UBR1: variants seen among roughly 807,000 people sequenced by gnomAD.
UBR1 encodes the protein E3 ubiquitin-protein ligase UBR1.
Under a neutral mutation model 242.1 loss-of-function variants are expected in UBR1, and 102 were observed. That is an observed-to-expected ratio of 0.42 (90% CI 0.36 to 0.50). The LOEUF (loss-of-function observed/expected upper bound fraction) is 0.50. Among genes scored for constraint, UBR1 ranks in the 20% least tolerant of loss-of-function variants. The pLI is 0.01. For missense variants in UBR1, 1,772 were observed against 2,101.8 expected (o/e 0.84, Z 3.07); for synonymous variants, 675 against 684.8 (o/e 0.99, Z 0.22).
rs768302047 is a variant in UBR1, at chr15:43,105,971, A to T, written c.52T>A (p.Leu18Ile). 1.2e-6 allele frequency: 2 copies of T among 1,613,776 alleles called. No individual in the cohort carries two copies. The highest frequency in any genetic ancestry group is 2.7e-5 in the African/African-American group (2 of 74,842). ...GTERMEISAELPQTPQRLASW... is the reference protein window; with the variant it reads ...GTERMEISAEIPQTPQRLASW... ...GCCAGACGCTGAGGGGTCTGGGGTA[A>T]CTCCGCGCTGATTTCCATCCTCTCA... Residue 18 changes from leucine to isoleucine, a missense_variant, in exon 1 of 47, where the codon TTA (leucine) becomes ATA (isoleucine). This residue lies in a region of UBR1 where 734 missense variants were observed against 893.3 expected (regional missense o/e 0.82). Transcript: ENST00000290650.
chr15:43,071,214 T>C (rs2033820373), intron 4 of UBR1, among the ~76,000 whole-genome samples: 1 of 152,200 alleles, frequency 6.6e-6, no homozygotes, highest in African/African-American at 2.4e-5. Flanking sequence ...GAGTAGCTAA[T>C]TACGATGATA....
intron 39 of UBR1, among the ~76,000 whole-genome samples, chr15:42,971,603 T>C (rs1411538297): frequency 4.6e-5 from 7 of 152,250 alleles, no homozygotes; most frequent in Non-Finnish European, 1.0e-4. Context: ...TTTTATCATA[T>C]CTTGAATGAA....
At chr15:42,989,995 A>G in intron 34 of UBR1, 35 bp downstream of exon 34, 1 of 1,477,598 alleles carries the variant, frequency 6.8e-7, no homozygotes, top group Non-Finnish European at 9.4e-7. Context: ...TTTCACAATC[A>G]TTTACAAAGT....
chr15:42,987,416 G>GA (rs1296251604), intron 35 of UBR1, among the ~76,000 whole-genome samples: 6 of 152,078 alleles, frequency 3.9e-5, no homozygotes, highest in Non-Finnish European at 2.9e-5. Context: ...AAGGCTTTGG[G>GA]AAAAAATGTG....
In UBR1 at chr15:43,025,090, A is replaced by T. The variant is rs936346458; in HGVS notation, c.2585-107T>A. ...TGTCAAAAAATAATAGGTTACATGC[A>T]AAACAACACATGCTTTTTTGCTACC... On this transcript the variant is annotated intron_variant, in intron 24 of 46. Coordinates refer to ENST00000290650, the MANE Select transcript of UBR1 (RefSeq NM_174916.3). 1.0e-5 allele frequency: 14 copies of T among 1,377,492 alleles called. No homozygotes were observed. The African/African-American group carries it at 1.7e-4, about 17-fold the overall frequency. The allele number at this position is 1,377,492 out of a possible 1,614,324, so 85.3% of individuals were successfully genotyped here. A position where few individuals can be genotyped will look rare whatever the true frequency, so the allele number is the denominator to read the frequency against.
Position 43,056,453 on chromosome 15 carries a change from T to C in UBR1, c.1183-11A>G, listed in dbSNP as rs1249928605. The C allele has an allele frequency of 2.6e-6, 4 of 1,553,052 alleles. No individual in the cohort carries two copies. Among genetic ancestry groups the C allele is most frequent in the East Asian group, 2.2e-5 (1 of 44,486 alleles). On this transcript the variant is annotated splice_polypyrimidine_tract_variant and intron_variant, in intron 10 of 46. Coordinates refer to ENST00000290650, the MANE Select transcript of UBR1 (RefSeq NM_174916.3). ...CAGTTGTTTATAATACTGAAATATA[T>C]AAGTAGAGAATCAATTATAAATCAC...
intron 27 of UBR1, among the ~76,000 whole-genome samples, chr15:43,019,761 A>ATTT (rs11413335): frequency 7.2e-6 from 1 of 138,202 alleles, no homozygotes; most frequent in Non-Finnish European, 1.6e-5. Flanking sequence ...CGCCCAGCTA[A>ATTT]TTTTTTTTTT....
rs756124027 is a variant in UBR1, at chr15:43,070,862, T to C, written c.592A>G (p.Ile198Val). Residue 198 changes from isoleucine (I) to valine (V), a missense_variant, in exon 5 of 47, where the codon ATA becomes GTA. Ile to Val is a conservative substitution (Grantham distance 29). This residue lies in a region of UBR1 where 734 missense variants were observed against 893.3 expected (regional missense o/e 0.82). Transcript: ENST00000290650. ...ATAGTCATTTCTACGACATATTTTA[T>C]CACTGAAGGAAATATTTTCCTGGCT... ...VQARKIFPSV[I>V]KYVVEMTIWE... 9 of 1,613,892 alleles carry C rather than the reference T, an allele frequency of 5.6e-6. No individual in the cohort carries two copies. The highest frequency in any genetic ancestry group is 3.3e-4 in the Middle Eastern group (2 of 6,060).
chr15:43,051,597 A>G (rs992735215), intron 12 of UBR1, among the ~76,000 whole-genome samples: 9 of 152,344 alleles, frequency 5.9e-5, no homozygotes, highest in African/African-American at 2.2e-4. Context: ...AAAATTAAAA[A>G]AAGCAGCTCC....
At chr15:43,060,181 C>T (rs1259988600) in intron 6 of UBR1, 67 bp from the exon 7 acceptor site, 2 of 1,461,398 alleles carry the variant, frequency 1.4e-6, no homozygotes, top group South Asian at 2.3e-5. Context: ...CAATATGTAG[C>T]CCAAAGACTT....
chr15:42,953,323 T>C (rs2031864865), intron 44 of UBR1, among the ~76,000 whole-genome samples: 1 of 152,132 alleles, frequency 6.6e-6, no homozygotes, highest in Non-Finnish European at 1.5e-5. Flanking sequence ...ATTCCTTAAT[T>C]TGGGAAGTAG....
Position 43,059,273 on chromosome 15 carries a change from C to A in UBR1, c.986-81G>T, listed in dbSNP as rs945943885. 13 of 1,332,890 alleles carry A rather than the reference C, an allele frequency of 9.8e-6. 1 individual carries two copies. The Middle Eastern group carries it at 1.9e-3, about 197-fold the overall frequency. 82.6% of individuals were successfully genotyped at this position (1,332,890 alleles called of 1,614,324 possible). A position where few individuals can be genotyped will look rare whatever the true frequency, so the allele number is the denominator to read the frequency against. On this transcript the variant is annotated intron_variant, in intron 8 of 46. Transcript: ENST00000290650. ...TAGAGATGAGTCTCACTCTGTTGCC[C>A]AGGTTGGTCTTGAACTCCTGGGCTC...
In UBR1 at chr15:43,045,708, C is replaced by T. The variant is rs756301715; in HGVS notation, c.1668+1453G>A. 1.1e-4 allele frequency among the ~76,000 whole-genome samples: 17 copies of T among 152,110 alleles called. 1 individual carries two copies. Among genetic ancestry groups the T allele is most frequent in the African/African-American group, 1.9e-4 (8 of 41,478 alleles). ...ATGGGACAAGCTAATTGCCCTAAGA[C>T]GGCAAAGAAAATAATCACAAACAAT... On this transcript the variant is annotated intron_variant, in intron 14 of 46. Coordinates refer to ENST00000290650, the MANE Select transcript of UBR1 (RefSeq NM_174916.3).
intron 1 of UBR1, among the ~76,000 whole-genome samples, chr15:43,091,063 C>A (rs1310056327): frequency 6.6e-6 from 1 of 152,106 alleles, no homozygotes; most frequent in Non-Finnish European, 1.5e-5. Context: ...CTCAGCCACC[C>A]GAGTAGCTAG....
chr15:43,059,562 C>CTT (rs2033657543), intron 8 of UBR1, 140 bp downstream of exon 8: 2 of 1,034,492 alleles, frequency 1.9e-6, no homozygotes, highest in Middle Eastern at 3.2e-4. Flanking sequence ...AAATGCAACC[C>CTT]TGAAAATTAA....
intron 15 of UBR1, 98 bp from the exon 16 acceptor site, chr15:43,038,330 T>A: frequency 1.7e-6 from 2 of 1,201,948 alleles, no homozygotes; most frequent in Non-Finnish European, 2.5e-6. Context: ...TTGATTTGGC[T>A]GGGCGCGGTG....
At chr15:43,026,298 G>A in intron 23 of UBR1, 1 of 370,546 alleles carries the variant, frequency 2.7e-6, no homozygotes, top group East Asian at 5.6e-5. Context: ...AATCAAATGA[G>A]TGTGTGATGA....
At chr15:42,970,480 G>T (rs1174251441) in intron 40 of UBR1, 40 bp downstream of exon 40, 1 of 1,574,428 alleles carries the variant, frequency 6.4e-7, no homozygotes, top group Admixed American at 1.7e-5. Context: ...ACAAGAAATG[G>T]AATTATTACA....
chr15:43,074,839 GA>G (rs528031585), intron 4 of UBR1, 139 bp downstream of exon 4: 79 of 689,584 alleles, frequency 1.1e-4, no homozygotes, highest in Admixed American at 3.2e-4. Context: ...TTTGGAGCTA[GA>G]AAAAAAGCCT....
Sources: allele counts gnomAD v4.1 joint callset (sites outside exome capture counted in the v4.1 genomes callset), GRCh38; gene constraint gnomAD v4.1.1; regional missense constraint gnomAD v4.1.1; transcripts MANE v1.5; gene names NCBI Gene and HGNC (gene_info 2026-07-23, HGNC 2026-07-21).